SPATA6: variants seen among roughly 807,000 people sequenced by gnomAD.
SPATA6 encodes the protein spermatogenesis-associated protein 6.
In SPATA6, 56 loss-of-function variants were observed where a neutral mutation model predicts 65.3. The observed-to-expected ratio is 0.86, with a 90% confidence interval of 0.69 to 1.07. The LOEUF is 1.07. SPATA6 is among the 50% of genes least tolerant of loss of function. The pLI, the probability that SPATA6 is intolerant of heterozygous loss-of-function variation, is 0.00. For synonymous variants in SPATA6, 199 were observed against 213.2 expected, an observed-to-expected ratio of 0.93 and a Z score of 0.58; for missense variants, 590 against 594.8, an observed-to-expected ratio of 0.99 and a Z score of 0.08.
At chr1:48,471,541 G>A (rs991846198) in intron 1 of SPATA6, among the ~76,000 whole-genome samples, 2 of 152,168 alleles carry the variant, frequency 1.3e-5, no homozygotes, top group Admixed American at 6.5e-5. Context: ...AGGGATTCGG[G>A]AGGAAATGCG....
the SPATA6 span, among the ~76,000 whole-genome samples, chr1:48,276,459 C>A: frequency 1.3e-5 from 2 of 152,102 alleles, no homozygotes; most frequent in Non-Finnish European, 2.9e-5. Flanking sequence ...CCACTTTCAC[C>A]TGTGGACATT....
At chr1:48,364,902 G>A (rs1646947278) in intron 9 of SPATA6, among the ~76,000 whole-genome samples, 1 of 152,094 alleles carries the variant, frequency 6.6e-6, no homozygotes, top group Non-Finnish European at 1.5e-5. Context: ...GTATTGCCTA[G>A]GTTTTCTTCT....
chr1:48,344,972 A>C (rs1300126830), intron 11 of SPATA6, among the ~76,000 whole-genome samples: 4 of 152,184 alleles, frequency 2.6e-5, no homozygotes, highest in Non-Finnish European at 5.9e-5. Context: ...TCGAGACAGA[A>C]AATCAACAAA....
intron 11 of SPATA6, among the ~76,000 whole-genome samples, chr1:48,347,062 A>G (rs1646384645): frequency 6.6e-6 from 1 of 152,122 alleles, no homozygotes; most frequent in Admixed American, 6.6e-5. Context: ...ACAACTTCAA[A>G]CTATACTACA....
intron 8 of SPATA6, among the ~76,000 whole-genome samples, chr1:48,391,203 GAAAA>G (rs34715593): frequency 9.2e-6 from 1 of 108,414 alleles, no homozygotes; most frequent in Non-Finnish European, 1.9e-5. Flanking sequence ...AATCTCTACA[GAAAA>G]AAAAAAAAAA....
chr1:48,385,485 T>A, intron 8 of SPATA6, 136 bp from the exon 9 acceptor site: 1 of 621,522 alleles, frequency 1.6e-6, no homozygotes, highest in Non-Finnish European at 2.6e-6. Flanking sequence ...CAGTGTTACA[T>A]CAGAAAGGAT....
intron 3 of SPATA6, chr1:48,436,936 A>C: frequency 1.2e-6 from 2 of 1,613,416 alleles, no homozygotes; most frequent in Non-Finnish European, 1.7e-6. Context: ...TGGAACTCAC[A>C]CAGTAAATAG....
rs895890627 is a variant in SPATA6 at position 48,295,996 on chromosome 1, G to T, written c.*2717C>A. 2.0e-5 allele frequency: 3 copies of T among 151,842 alleles called. No individual in the cohort carries two copies. Among genetic ancestry groups the T allele is most frequent in the Admixed American group, 6.6e-5 (1 of 15,258 alleles). 9.4% of individuals were successfully genotyped at this position (151,842 alleles called of 1,614,324 possible). A position where few individuals can be genotyped will look rare whatever the true frequency, so the allele number is the denominator to read the frequency against. ...ATAACTAGCTAGTAGAACCAAGGAA[G>T]AGTCTCATTCCAATGATTCATCTTT... On this transcript the variant is annotated 3_prime_UTR_variant, in exon 13 of 13. Transcript: ENST00000371847.
chr1:48,307,503 AAAC>A (rs1345553809), intron 11 of SPATA6, among the ~76,000 whole-genome samples: 1 of 150,960 alleles, frequency 6.6e-6, no homozygotes, highest in Non-Finnish European at 1.5e-5. Flanking sequence ...AGTTATTCAC[AAAC>A]AAGGAGGCAA....
At chr1:48,384,555 A>G (rs910367037) in intron 9 of SPATA6, among the ~76,000 whole-genome samples, 3 of 152,090 alleles carry the variant, frequency 2.0e-5, no homozygotes, top group African/African-American at 7.2e-5. Context: ...GATAGAGCAA[A>G]TAATAATGGT....
intron 11 of SPATA6, among the ~76,000 whole-genome samples, chr1:48,334,215 G>A (rs1299802432): frequency 6.6e-6 from 1 of 151,848 alleles, no homozygotes; most frequent in African/African-American, 2.4e-5. Flanking sequence ...AGAAGAGCTG[G>A]TACCATTCTT....
intron 10 of SPATA6, among the ~76,000 whole-genome samples, chr1:48,356,190 T>G (rs954628212): frequency 6.6e-6 from 1 of 152,144 alleles, no homozygotes; most frequent in Non-Finnish European, 1.5e-5. Flanking sequence ...ATGGTTTCTT[T>G]TCAACACAGA....
At chr1:48,447,680 A>C (rs902047379) in intron 3 of SPATA6, among the ~76,000 whole-genome samples, 1 of 152,196 alleles carries the variant, frequency 6.6e-6, no homozygotes, top group African/African-American at 2.4e-5. Flanking sequence ...AAATGTAAAA[A>C]AGTTAAAATC....
At chr1:48,329,508 T>A (rs956429298) in intron 11 of SPATA6, among the ~76,000 whole-genome samples, 26 of 152,130 alleles carry the variant, frequency 1.7e-4, no homozygotes, top group Admixed American at 1.3e-4. Flanking sequence ...GGGGGACAAA[T>A]TAAACTCGAA....
At chr1:48,266,771 T>A in the SPATA6 span, among the ~76,000 whole-genome samples, 1 of 152,188 alleles carries the variant, frequency 6.6e-6, no homozygotes, top group African/African-American at 2.4e-5. Flanking sequence ...TGTTTTTGTT[T>A]AAGATTATCA....
chr1:48,304,058 G>C (rs1001431102), intron 12 of SPATA6, among the ~76,000 whole-genome samples: 3 of 152,160 alleles, frequency 2.0e-5, no homozygotes, highest in African/African-American at 7.2e-5. Context: ...TGATTACTTT[G>C]AGTGTAGTTC....
the SPATA6 span, among the ~76,000 whole-genome samples, chr1:48,278,225 A>T: frequency 1.4e-4 from 13 of 94,532 alleles, no homozygotes; most frequent in Non-Finnish European, 3.1e-4. Flanking sequence ...AACCACAAAG[A>T]TGGGGAAAAA....
At chr1:48,288,552 C>T in the SPATA6 span, among the ~76,000 whole-genome samples, 3 of 152,298 alleles carry the variant, frequency 2.0e-5, no homozygotes, top group East Asian at 1.9e-4. Context: ...CAAGGCATCA[C>T]CTCACCTGGG....
chr1:48,460,723 T>A (rs1657367877), intron 1 of SPATA6, among the ~76,000 whole-genome samples: 1 of 59,388 alleles, frequency 1.7e-5, no homozygotes, highest in African/African-American at 3.4e-5. Flanking sequence ...TCACAAAATA[T>A]AAAGTCAATA....
Sources: gnomAD v4.1 joint callset for allele counts (sites outside exome capture counted in the v4.1 genomes callset) on GRCh38, gnomAD v4.1.1 for gene constraint, MANE v1.5 for transcripts, NCBI Gene and HGNC (gene_info 2026-07-23, HGNC 2026-07-21) for gene names.